Variants in KIF26B observed in about 807,000 individuals in gnomAD.
KIF26B encodes the protein kinesin-like protein KIF26B.
Under a neutral mutation model 151.2 loss-of-function variants are expected in KIF26B, and 63 were observed. The observed-to-expected ratio is 0.42, with a 90% CI of 0.34 to 0.51. KIF26B has a LOEUF of 0.51. Ranked by LOEUF, KIF26B falls within the 20% of genes least tolerant of loss-of-function variation. KIF26B has a pLI of 0.07. For missense variants in KIF26B, 2,813 were observed against 2,913.6 expected (o/e 0.97, Z 0.79); for synonymous variants, 1,357 against 1,262.1 (o/e 1.08, Z -1.59).
chr1:245,596,871 C>A lies in KIF26B; in HGVS notation c.1351-5706C>A, dbSNP rs528832227. 4.7e-4 allele frequency among the ~76,000 whole-genome samples: 71 copies of A among 152,206 alleles called. No homozygotes were observed. In the South Asian group the frequency reaches 0.014, roughly 30 times the overall value. On this transcript the variant is annotated intron_variant, in intron 5 of 14. Transcript: ENST00000407071. ...ATTAGCTCTGCTTGTTGCATTGACC[C>A]CTTTACCATTATGTAACGCCTTAAT... is the stretch of plus-strand genomic sequence containing the variant.
chr1:245,308,747 C>G (rs1315595914), intron 2 of KIF26B, among the ~76,000 whole-genome samples: 1 of 151,614 alleles, frequency 6.6e-6, no homozygotes, highest in Non-Finnish European at 1.5e-5. Context: ...CAAAACAAGA[C>G]AAAACAAAAA....
In KIF26B at chr1:245,531,066, C is replaced by G. The variant is rs577027096; in HGVS notation, c.1167-9701C>G. Among the ~76,000 whole-genome samples, 22 of 152,220 alleles carry G rather than the reference C, an allele frequency of 1.4e-4. No homozygotes were observed. The South Asian group carries it at 4.4e-3, about 30-fold the overall frequency. On this transcript the variant is annotated intron_variant, in intron 4 of 14. Coordinates refer to ENST00000407071, the MANE Select transcript of KIF26B (RefSeq NM_018012.4). ...AGTTGTTATAATTTCCCTTTTATAT[C>G]CTAATTCTGGCCACGACCTAACTCA...
intron 10 of KIF26B, among the ~76,000 whole-genome samples, chr1:245,648,989 G>A (rs547797151): frequency 6.6e-6 from 1 of 152,238 alleles, no homozygotes; most frequent in Admixed American, 6.5e-5. Context: ...ACAACTCATC[G>A]AGACCTTGCT....
chr1:245,687,785 T>C lies in KIF26B; in HGVS notation c.4802T>C (p.Val1601Ala). The C allele has an allele frequency of 6.3e-7, 1 of 1,586,566 alleles. No homozygotes were observed. ...RPKGTPPLPP[V>A]RKSSLDQKNR... ...AAAGGGACTCCCCCTCTGCCCCCTG[T>C]CCGAAAGTCCAGCCTGGACCAGAAG... The change falls in exon 12 of 15, where the codon GTC becomes GCC. Residue 1601 changes from valine (V) to alanine (A), a missense_variant. Val to Ala is a moderately conservative substitution (Grantham distance 64, BLOSUM62 0). Transcript: ENST00000407071. This position sits in a 1 kb window ranked among gnomAD's most constrained non-coding sequence, Gnocchi z 4.9.
At chr1:245,628,641 C>A (rs1280095861) in intron 9 of KIF26B, among the ~76,000 whole-genome samples, 1 of 152,120 alleles carries the variant, frequency 6.6e-6, no homozygotes, top group Non-Finnish European at 1.5e-5. Context: ...AACCCATAGC[C>A]AATATCATAA....
intron 2 of KIF26B, 94 bp from the exon 3 acceptor site, chr1:245,366,740 C>A: frequency 8.4e-7 from 1 of 1,188,786 alleles, no homozygotes; most frequent in Non-Finnish European, 1.2e-6. Context: ...TCTTTGAGTA[C>A]GTCTCGGGTT....
At position 245,685,932 on chromosome 1, in the gene KIF26B, G is replaced by A. The variant is rs752794061; in HGVS notation, c.2949G>A (p.Gly983=). Residue 983 remains glycine (G), a synonymous_variant, in exon 12 of 15, where the codon GGG becomes GGA. Coordinates refer to ENST00000407071, the MANE Select transcript of KIF26B (RefSeq NM_018012.4). ...PLSESDKEDN[G]SEGQLTNREG... ...CTGAGTCTGATAAGGAAGATAATGG[G>A]TCCGAAGGTCAGCTGACCAACAGAG... The A allele has an allele frequency of 3.1e-6, 5 of 1,611,910 alleles. No individual in the cohort carries two copies. The highest frequency in any genetic ancestry group is 4.2e-6 in the Non-Finnish European group (5 of 1,179,214).
chr1:245,168,927 A>C (rs1668659271), intron 2 of KIF26B, among the ~76,000 whole-genome samples: 1 of 152,212 alleles, frequency 6.6e-6, no homozygotes, highest in Non-Finnish European at 1.5e-5. Flanking sequence ...TGCCTCTTTA[A>C]AATATCTACT....
At chr1:245,476,703 T>C (rs1660050025) in intron 4 of KIF26B, among the ~76,000 whole-genome samples, 2 of 151,430 alleles carry the variant, frequency 1.3e-5, no homozygotes, top group African/African-American at 2.4e-5. Flanking sequence ...GCCCAGCGAT[T>C]TTTTGTAGAC....
At chr1:245,609,690 C>T (rs552043470) in intron 8 of KIF26B, among the ~76,000 whole-genome samples, 162 bp downstream of exon 8, 4 of 152,232 alleles carry the variant, frequency 2.6e-5, no homozygotes, top group South Asian at 2.1e-4. Context: ...GTGGGGCCAT[C>T]GGCTTGCCCA....
intron 9 of KIF26B, among the ~76,000 whole-genome samples, chr1:245,619,212 G>A (rs868605873): frequency 6.5e-4 from 94 of 144,390 alleles, no homozygotes; most frequent in African/African-American, 2.0e-3. Flanking sequence ...TGTCTGCTGC[G>A]TGCTGTTGGT....
At chr1:245,581,293 T>G (rs1335869883) in intron 5 of KIF26B, among the ~76,000 whole-genome samples, 1 of 152,222 alleles carries the variant, frequency 6.6e-6, no homozygotes, top group Non-Finnish European at 1.5e-5. Flanking sequence ...CTATGCCCAG[T>G]TTTTTCCCAA....
intron 2 of KIF26B, among the ~76,000 whole-genome samples, chr1:245,320,556 A>G (rs1007861442): frequency 6.6e-6 from 1 of 152,224 alleles, no homozygotes; most frequent in Non-Finnish European, 1.5e-5. Flanking sequence ...ATGAATAAAG[A>G]CCCAGTGATC....
At chr1:245,164,306 C>A (rs4658711) in intron 2 of KIF26B, among the ~76,000 whole-genome samples, 2 of 152,176 alleles carry the variant, frequency 1.3e-5, no homozygotes, top group African/African-American at 4.8e-5. Context: ...CCCCACTTGG[C>A]CACAGTGCAT....
chr1:245,303,408 C>A (rs1013548330), intron 2 of KIF26B, among the ~76,000 whole-genome samples: 33 of 150,794 alleles, frequency 2.2e-4, no homozygotes, highest in Admixed American at 1.1e-3. Context: ...CCGTGTTAGC[C>A]AGGATGGTCT....
chr1:245,608,688 A>G (rs1246744597), intron 7 of KIF26B, among the ~76,000 whole-genome samples: 1 of 152,206 alleles, frequency 6.6e-6, no homozygotes, highest in Non-Finnish European at 1.5e-5. Flanking sequence ...ACTGGATAGC[A>G]TGTGATATTT....
At chr1:245,243,868 G>A (rs1309664009) in intron 2 of KIF26B, among the ~76,000 whole-genome samples, 1 of 51,052 alleles carries the variant, frequency 2.0e-5, no homozygotes, top group Non-Finnish European at 3.9e-5. Flanking sequence ...TAAAAAAGAA[G>A]AAAAAGAAAG....
chr1:245,387,239 G>C (rs6677298), intron 3 of KIF26B, among the ~76,000 whole-genome samples: 1 of 149,420 alleles, frequency 6.7e-6, no homozygotes, highest in African/African-American at 2.5e-5. Context: ...ATCTCTGCTC[G>C]CTGCAACCTC....
intron 2 of KIF26B, among the ~76,000 whole-genome samples, chr1:245,225,736 C>T (rs1035610030): frequency 1.3e-5 from 2 of 152,174 alleles, no homozygotes; most frequent in African/African-American, 4.8e-5. Context: ...GGTTTGAGCC[C>T]GAGTTTATTT....
Sources: allele counts gnomAD v4.1 joint callset (sites outside exome capture counted in the v4.1 genomes callset), GRCh38; gene constraint gnomAD v4.1.1; non-coding constraint Gnocchi (gnomAD v3.1); transcripts MANE v1.5; gene names NCBI Gene and HGNC (gene_info 2026-07-23, HGNC 2026-07-21).